ERBIN: variants seen among roughly 807,000 people sequenced by gnomAD.
ERBIN encodes erbb2 interacting protein, also known as densin-180-like protein.
ERBIN carries 60 observed loss-of-function variants against 158.4 expected under a neutral mutation model. That is an observed-to-expected ratio of 0.38 (90% CI 0.31 to 0.47). ERBIN has a LOEUF of 0.47. ERBIN is among the 20% of genes least tolerant of loss of function. The probability of loss-of-function intolerance (pLI) is 0.99; values close to 1 mark genes in which losing one functional copy is unlikely to be tolerated. For synonymous variants in ERBIN, 594 were observed against 557.2 expected (o/e 1.07, Z -0.93); for missense variants, 1,610 against 1,648.0 (o/e 0.98, Z 0.40).
intron 21 of ERBIN, among the ~76,000 whole-genome samples, chr5:66,062,330 G>A (rs920605465): frequency 2.6e-5 from 4 of 152,068 alleles, no homozygotes; most frequent in South Asian, 2.1e-4. Context: ...CCAGTTGATC[G>A]CATCAGTTAC....
At chr5:66,008,293 C>G (rs1334679031) in intron 4 of ERBIN, among the ~76,000 whole-genome samples, 4 of 152,030 alleles carry the variant, frequency 2.6e-5, no homozygotes, top group Admixed American at 2.6e-4. Context: ...GTGGCGGGCG[C>G]CTATAGTCCC....
At chr5:66,012,158 T>G in intron 5 of ERBIN, 31 bp downstream of exon 5, 1 of 1,425,030 alleles carries the variant, frequency 7.0e-7, no homozygotes, top group Non-Finnish European at 9.6e-7. Context: ...TAAATTACTT[T>G]TGTGAATAAA....
At chr5:66,070,436 T>G (rs1010768753) in intron 21 of ERBIN, among the ~76,000 whole-genome samples, 1 of 152,222 alleles carries the variant, frequency 6.6e-6, no homozygotes, top group African/African-American at 2.4e-5. Context: ...GTGGCTTTTA[T>G]TAACTCAGGG....
chr5:65,950,976 A>G (rs1238501010), intron 1 of ERBIN, among the ~76,000 whole-genome samples: 1 of 152,176 alleles, frequency 6.6e-6, no homozygotes, highest in Non-Finnish European at 1.5e-5. Context: ...GATCTGTAAG[A>G]TTGTTCTGGA....
At chr5:65,940,160 G>A (rs1340284283) in intron 1 of ERBIN, among the ~76,000 whole-genome samples, 3 of 150,646 alleles carry the variant, frequency 2.0e-5, no homozygotes, top group African/African-American at 7.4e-5. Flanking sequence ...CTGCCCGGCC[G>A]CCCATCGTCT....
chr5:66,064,441 G>A (rs1371762899), intron 21 of ERBIN, among the ~76,000 whole-genome samples: 1 of 152,152 alleles, frequency 6.6e-6, no homozygotes, highest in Non-Finnish European at 1.5e-5. Flanking sequence ...CATGAGTCCT[G>A]TGTGATATTT....
rs115977266 is a variant in ERBIN at position 66,045,911 on chromosome 5, C to G, written c.1603-442C>G. 2.8e-3 allele frequency among the ~76,000 whole-genome samples: 422 copies of G among 152,314 alleles called. 4 individuals carry two copies. Among genetic ancestry groups the G allele is most frequent in the African/African-American group, 9.6e-3 (400 of 41,578 alleles). On this transcript the variant is annotated intron_variant, in intron 17 of 25. Coordinates refer to ENST00000284037, the MANE Select transcript of ERBIN (RefSeq NM_001253697.2). ...TTCCTTGCGATGTTTCAGAAACTTTCACAAATCCCTAAATCGTCTGTATAT... is the reference window on the plus strand; with the variant it reads ...TTCCTTGCGATGTTTCAGAAACTTTGACAAATCCCTAAATCGTCTGTATAT...
At chr5:66,017,340 C>T (rs1472227187) in intron 7 of ERBIN, among the ~76,000 whole-genome samples, 1 of 152,030 alleles carries the variant, frequency 6.6e-6, no homozygotes, top group Non-Finnish European at 1.5e-5. Context: ...TCTTTGTTCC[C>T]ATCCTTGCTA....
chr5:66,028,281 A>G lies in ERBIN; in HGVS notation c.1144A>G (p.Asn382Asp). ...TGTATTTTTTTCCTACAGATTAAAG[A>G]ATTTACCCTTTAGCTTTACAAAGCT... ...VINLSDNRLK[N>D]LPFSFTKLQQ... is the part of the protein sequence containing the mutation. Residue 382 changes from asparagine (N) to aspartate (D), a missense_variant, in exon 14 of 26, where the codon AAT becomes GAT. Physicochemically the swap from Asn to Asp is conservative, Grantham distance 23 (BLOSUM62 1). Around this residue, in one of 2 missense-constraint regions of ERBIN, gnomAD observed 596 missense variants for 711.9 expected, o/e 0.84. Coordinates refer to ENST00000284037, the MANE Select transcript of ERBIN (RefSeq NM_001253697.2). 1 of 1,608,990 alleles carries G rather than the reference A, an allele frequency of 6.2e-7. No individual in the cohort carries two copies. The highest frequency in any genetic ancestry group is 1.7e-4 in the Middle Eastern group (1 of 6,028).
At chr5:66,014,800 T>G in intron 7 of ERBIN, 75 bp downstream of exon 7, 3 of 688,488 alleles carry the variant, frequency 4.4e-6, no homozygotes, top group Non-Finnish European at 7.0e-6. Flanking sequence ...ATGTAAATTT[T>G]TATTACCTAA....
rs377660861 is a variant in ERBIN at position 66,074,745 on chromosome 5, AAAG to A, written c.3757-278_3757-276del. On this transcript the variant is annotated intron_variant, in intron 22 of 25. Coordinates refer to ENST00000284037, the MANE Select transcript of ERBIN (RefSeq NM_001253697.2). ...AGAAAATACAAGTGTAGCTCACAAA[AAAG>A]CAAGTAATTTAAAATGTAGATATGA... is the stretch of plus-strand genomic sequence containing the variant. Among the ~76,000 whole-genome samples the A allele has an allele frequency of 7.4e-3, 1,120 of 152,330 alleles. 19 individuals are homozygous for A. Among genetic ancestry groups the A allele is most frequent in the African/African-American group, 0.026 (1,071 of 41,580 alleles).
chr5:66,075,545 T>C (rs1221683707), intron 23 of ERBIN, among the ~76,000 whole-genome samples: 3 of 152,202 alleles, frequency 2.0e-5, no homozygotes. Flanking sequence ...GAAATTGTTC[T>C]GTGACACTTA....
intron 3 of ERBIN, 47 bp from the exon 4 acceptor site, chr5:65,994,700 T>C (rs755427400): frequency 9.4e-7 from 1 of 1,061,836 alleles, no homozygotes; most frequent in African/African-American, 1.6e-5. Context: ...TCATGAAATA[T>C]TTAAAGATGT....
At chr5:66,071,568 TAAGCTA>T (rs1181857594) in intron 21 of ERBIN, among the ~76,000 whole-genome samples, 7 of 152,290 alleles carry the variant, frequency 4.6e-5, no homozygotes, top group Non-Finnish European at 8.8e-5. Context: ...GTGGCAGAAT[TAAGCTA>T]AAGCAAATTT....
intron 8 of ERBIN, among the ~76,000 whole-genome samples, chr5:66,021,614 T>C (rs896535825): frequency 6.7e-5 from 10 of 150,218 alleles, no homozygotes; most frequent in Admixed American, 2.6e-4. Flanking sequence ...GAGAGGTCCA[T>C]GGAAGAGATA....
chr5:66,028,380 A>C (rs1169256247), intron 14 of ERBIN, 37 bp downstream of exon 14: 1 of 1,552,298 alleles, frequency 6.4e-7, no homozygotes, highest in Non-Finnish European at 8.9e-7. Flanking sequence ...TGGAGTTCTT[A>C]TTTGTGTTAT....
chr5:66,026,875 C>T (rs1756313742), intron 13 of ERBIN, among the ~76,000 whole-genome samples: 1 of 151,976 alleles, frequency 6.6e-6, no homozygotes, highest in African/African-American at 2.4e-5. Flanking sequence ...GTCACATCTT[C>T]ACCTGAATAT....
chr5:65,960,710 T>A (rs1434158749), intron 1 of ERBIN, among the ~76,000 whole-genome samples: 2 of 152,160 alleles, frequency 1.3e-5, no homozygotes, highest in African/African-American at 4.8e-5. Context: ...CTTGACAAGA[T>A]TTTTTGAAGT....
intron 18 of ERBIN, among the ~76,000 whole-genome samples, chr5:66,047,279 T>G (rs1758538067): frequency 6.6e-6 from 1 of 152,254 alleles, no homozygotes; most frequent in South Asian, 2.1e-4. Flanking sequence ...TGTTCAAGTT[T>G]TTGTATGTTA....
Sources: gnomAD v4.1 joint callset for allele counts (sites outside exome capture counted in the v4.1 genomes callset) on GRCh38, gnomAD v4.1.1 for gene constraint, gnomAD v4.1.1 regional missense constraint, MANE v1.5 for transcripts, NCBI Gene and HGNC (gene_info 2026-07-23, HGNC 2026-07-21) for gene names.